Variants in MAGI2 observed in about 807,000 individuals in gnomAD.
MAGI2 encodes membrane-associated guanylate kinase, WW and PDZ domain-containing protein 2.
A neutral mutation model predicts 133.3 loss-of-function variants in MAGI2; 35 were observed. That is an observed-to-expected ratio of 0.26 (90% CI 0.20 to 0.35). MAGI2 has a LOEUF of 0.35. Ranked by LOEUF, MAGI2 falls within the 10% of genes least tolerant of loss-of-function variation. MAGI2 has a pLI of 1.00. For missense variants in MAGI2, 1,636 were observed against 1,863.4 expected (o/e 0.88, Z 2.25); for synonymous variants, 729 against 710.6 (o/e 1.03, Z -0.41).
chr7:78,546,436 T>A (rs1798845374), intron 3 of MAGI2, among the ~76,000 whole-genome samples: 1 of 152,082 alleles, frequency 6.6e-6, no homozygotes, highest in Non-Finnish European at 1.5e-5. Context: ...CAAAACATAA[T>A]ACTCTAAATT....
At chr7:79,119,427 T>G (rs1405638450) in intron 1 of MAGI2, among the ~76,000 whole-genome samples, 1 of 152,100 alleles carries the variant, frequency 6.6e-6, no homozygotes, top group Non-Finnish European at 1.5e-5. Flanking sequence ...GAATACCATT[T>G]GCCTGAACAA....
At chr7:78,263,935 CTT>C (rs1793756631) in intron 9 of MAGI2, among the ~76,000 whole-genome samples, 1 of 152,090 alleles carries the variant, frequency 6.6e-6, no homozygotes, top group African/African-American at 2.4e-5. Context: ...TCTCTGTGCT[CTT>C]GTTTCTCCTT....
At chr7:78,330,295 A>T (rs1041790130) in intron 9 of MAGI2, among the ~76,000 whole-genome samples, 2 of 152,178 alleles carry the variant, frequency 1.3e-5, no homozygotes, top group African/African-American at 4.8e-5. Context: ...CCTCCATAGT[A>T]ATCCATGTCA....
chr7:79,062,940 A>G (rs1408121685), intron 1 of MAGI2, among the ~76,000 whole-genome samples: 2 of 152,124 alleles, frequency 1.3e-5, no homozygotes, highest in South Asian at 2.1e-4. Context: ...AAAGTCAATT[A>G]GGATTCAACT....
chr7:78,895,211 C>G (rs1342600150), intron 2 of MAGI2, among the ~76,000 whole-genome samples: 3 of 152,102 alleles, frequency 2.0e-5, no homozygotes, highest in African/African-American at 7.2e-5. Context: ...TTGGTGCTCT[C>G]TTGCCATGTG....
intron 2 of MAGI2, among the ~76,000 whole-genome samples, chr7:78,950,943 C>G (rs1012233829): frequency 6.9e-6 from 1 of 145,802 alleles, no homozygotes; most frequent in Admixed American, 6.9e-5. Context: ...GCCACTGAGT[C>G]TTTGTCTCTC....
At chr7:79,183,579 A>G (rs562239076) in intron 1 of MAGI2, among the ~76,000 whole-genome samples, 16 of 151,922 alleles carry the variant, frequency 1.1e-4, no homozygotes, top group Admixed American at 1.1e-3. Context: ...TAGATCTTTT[A>G]TTTTCTAAAG....
intron 2 of MAGI2, among the ~76,000 whole-genome samples, chr7:78,823,075 A>G (rs915197264): frequency 4.6e-5 from 7 of 152,218 alleles, no homozygotes; most frequent in African/African-American, 1.2e-4. Flanking sequence ...AATGTGGCTC[A>G]TTAGTTAGAA....
At chr7:78,269,961 T>A (rs907796878) in intron 9 of MAGI2, among the ~76,000 whole-genome samples, 1 of 152,170 alleles carries the variant, frequency 6.6e-6, no homozygotes, top group Non-Finnish European at 1.5e-5. Flanking sequence ...AAGGAAGGGG[T>A]CCAGTTTCAG....
chr7:78,575,234 C>G (rs1299921327), intron 3 of MAGI2, among the ~76,000 whole-genome samples: 2 of 151,982 alleles, frequency 1.3e-5, no homozygotes, highest in Admixed American at 1.3e-4. Context: ...AGCTACAGAA[C>G]TAGCAACCAA....
At chr7:78,466,416 C>T (rs1046947911) in intron 6 of MAGI2, among the ~76,000 whole-genome samples, 17 of 152,154 alleles carry the variant, frequency 1.1e-4, no homozygotes, top group African/African-American at 4.1e-4. Context: ...TCAGTGATTG[C>T]GTCCATTCAA....
At chr7:79,210,526 T>G (rs1259666849) in intron 1 of MAGI2, among the ~76,000 whole-genome samples, 1 of 152,040 alleles carries the variant, frequency 6.6e-6, no homozygotes, top group Non-Finnish European at 1.5e-5. Flanking sequence ...CCCACCTAAG[T>G]GTTAGTTGAA....
chr7:78,602,169 G>A (rs933344921), intron 3 of MAGI2, among the ~76,000 whole-genome samples: 9 of 151,322 alleles, frequency 5.9e-5, no homozygotes, highest in East Asian at 3.9e-4. Context: ...TTTTTGAGAC[G>A]GAGTTTCATT....
At position 78,900,030 on chromosome 7, in the gene MAGI2, GA is replaced by G. The variant is rs1797502644; in HGVS notation, c.418+107059del. ...CATTCTGAGATCCATTTACTAAAGT[GA>G]AAGGGACCCAAATCCTTTCTAAGCT... On this transcript the variant is annotated intron_variant, in intron 2 of 21. Transcript: ENST00000354212. 2.0e-5 allele frequency among the ~76,000 whole-genome samples: 3 copies of G among 152,240 alleles called. No homozygotes were observed. In the South Asian group the frequency reaches 6.2e-4, roughly 32 times the overall value.
At chr7:78,458,294 CAAA>C (rs11380893) in intron 6 of MAGI2, among the ~76,000 whole-genome samples, 1 of 113,084 alleles carries the variant, frequency 8.8e-6, no homozygotes, top group African/African-American at 3.6e-5. Flanking sequence ...AACTCGGTCT[CAAA>C]AAAAAAAAAA....
intron 1 of MAGI2, among the ~76,000 whole-genome samples, chr7:79,215,163 C>T (rs1199206635): frequency 6.6e-6 from 1 of 151,550 alleles, no homozygotes; most frequent in Non-Finnish European, 1.5e-5. Flanking sequence ...TCAGGAACAA[C>T]TGACCAGCGT....
intron 1 of MAGI2, among the ~76,000 whole-genome samples, chr7:79,171,631 T>C (rs115721488): frequency 0.047 from 7,106 of 149,742 alleles, 254 homozygotes; most frequent in African/African-American, 0.1. Flanking sequence ...TATGGTCATA[T>C]GTCTACAGGT....
At chr7:78,082,834 G>A (rs922947762) in intron 20 of MAGI2, among the ~76,000 whole-genome samples, 11 of 152,168 alleles carry the variant, frequency 7.2e-5, no homozygotes, top group Non-Finnish European at 1.5e-4. Context: ...TCCAGACCTG[G>A]CTTCAAGACT....
intron 21 of MAGI2, among the ~76,000 whole-genome samples, chr7:78,047,093 C>G (rs1379303336): frequency 6.6e-6 from 1 of 152,208 alleles, no homozygotes; most frequent in Non-Finnish European, 1.5e-5. Flanking sequence ...TTGATACTGA[C>G]TAGACAGAAT....
Sources: gnomAD v4.1 joint callset for allele counts (sites outside exome capture counted in the v4.1 genomes callset) on GRCh38, gnomAD v4.1.1 for gene constraint, MANE v1.5 for transcripts, NCBI Gene and HGNC (gene_info 2026-07-23, HGNC 2026-07-21) for gene names.